Variants in TMEM164 observed in about 807,000 individuals in gnomAD.
TMEM164 encodes transmembrane protein 164.
Under a neutral mutation model 18.8 loss-of-function variants are expected in TMEM164, and 4 were observed. The ratio of observed to expected loss-of-function variants is 0.21; its 90% CI spans 0.10 to 0.49. TMEM164 has a LOEUF of 0.49. Among genes scored for constraint, TMEM164 ranks in the 20% least tolerant of loss-of-function variants. The pLI is 0.98. For missense variants in TMEM164, 108 were observed against 239.9 expected (o/e 0.45, Z 3.63); for synonymous variants, 86 against 101.7 (o/e 0.85, Z 0.93).
At chrX:110,126,809 C>CTGT (rs2066535900) in intron 4 of TMEM164, among the ~76,000 whole-genome samples, 1 of 70,057 alleles carries the variant, frequency 1.4e-5, no homozygotes, top group African/African-American at 6.8e-5. Context: ...CTGGGCCACT[C>CTGT]CTGTGTGTGT....
chrX:110,057,195 C>A (rs1227527639), intron 2 of TMEM164, among the ~76,000 whole-genome samples: 1 of 111,485 alleles, frequency 9.0e-6, no homozygotes, highest in Non-Finnish European at 1.9e-5. Flanking sequence ...CAGCACCAGC[C>A]CCAGCTAACC....
At chrX:110,132,999 C>G (rs2066633870) in intron 4 of TMEM164, among the ~76,000 whole-genome samples, 1 of 111,960 alleles carries the variant, frequency 8.9e-6, no homozygotes, top group South Asian at 3.7e-4. Context: ...TATTTCCTCA[C>G]AGTTCTGGAG....
intron 3 of TMEM164, among the ~76,000 whole-genome samples, chrX:110,087,574 G>C (rs2065871513): frequency 1.8e-5 from 2 of 111,538 alleles, no homozygotes; most frequent in Admixed American, 1.9e-4. Flanking sequence ...TAATGTGCTT[G>C]GTTATCCATG....
chrX:110,165,169 A>G (rs111795480), intron 5 of TMEM164, among the ~76,000 whole-genome samples: 5,724 of 112,627 alleles, frequency 0.051, 359 homozygotes, highest in African/African-American at 0.17. Flanking sequence ...CTGTACCCCT[A>G]TAGAGAAGTG....
intron 3 of TMEM164, among the ~76,000 whole-genome samples, chrX:110,106,248 C>T (rs1018679355): frequency 9.0e-6 from 1 of 111,220 alleles, no homozygotes; most frequent in African/African-American, 3.3e-5. Flanking sequence ...TTTGGCCGTC[C>T]GTAGGTCCTG....
At chrX:110,169,725 T>C (rs1569360606) in intron 5 of TMEM164, among the ~76,000 whole-genome samples, 1 of 111,962 alleles carries the variant, frequency 8.9e-6, no homozygotes, top group East Asian at 2.8e-4. Flanking sequence ...TCAGGAAATT[T>C]CACATAAAAG....
chrX:110,048,462 T>G (rs1935407710), intron 2 of TMEM164, among the ~76,000 whole-genome samples: 1 of 111,792 alleles, frequency 8.9e-6, no homozygotes, highest in Non-Finnish European at 1.9e-5. Flanking sequence ...TGGCAAGTAG[T>G]AGGTTCTTAA....
intron 4 of TMEM164, among the ~76,000 whole-genome samples, chrX:110,135,749 A>G (rs1471825503): frequency 8.9e-6 from 1 of 112,063 alleles, no homozygotes; most frequent in Non-Finnish European, 1.9e-5. Context: ...CAATGACTGT[A>G]CATCCTCCAG....
rs775085767 is a variant in TMEM164 at position 110,046,030 on chromosome X, C to T, written c.391-21317C>T. 182 of 751,948 alleles carry T rather than the reference C, an allele frequency of 2.4e-4. No individual in the cohort carries two copies. In the African/African-American group the frequency reaches 3.9e-3, roughly 16 times the overall value. 62.0% of individuals were successfully genotyped at this position (751,948 alleles called of 1,213,427 possible). A position where few individuals can be genotyped will look rare whatever the true frequency, so the allele number is the denominator to read the frequency against. ...TTTTCCCACAATGGAAATTATCAGA[C>T]CAGATCTAGGCTCCTACCTTTACAA... On this transcript the variant is annotated intron_variant, in intron 2 of 6. Coordinates refer to ENST00000372068, the MANE Select transcript of TMEM164 (RefSeq NM_032227.4).
chrX:110,117,766 G>T (rs1243203713), intron 4 of TMEM164, among the ~76,000 whole-genome samples: 2 of 112,158 alleles, frequency 1.8e-5, no homozygotes, highest in Admixed American at 1.9e-4. Context: ...TAGTCCTGTT[G>T]CCTCAAGGGT....
intron 2 of TMEM164, among the ~76,000 whole-genome samples, chrX:110,043,770 A>G (rs571235471): frequency 2.7e-5 from 3 of 112,610 alleles, no homozygotes; most frequent in African/African-American, 9.7e-5. Flanking sequence ...AGAGATAATC[A>G]TTATTAACAA....
At chrX:110,070,778 C>T (rs1045865867) in intron 3 of TMEM164, among the ~76,000 whole-genome samples, 12 of 111,096 alleles carry the variant, frequency 1.1e-4, no homozygotes, top group African/African-American at 3.3e-4. Context: ...ATAGCATTCC[C>T]CCTCTCCCCC....
In TMEM164 at chrX:110,176,055, C is replaced by T; in HGVS notation, c.*2604C>T. 1.3e-6 allele frequency: 1 copy of T among 756,915 alleles called. No individual in the cohort carries two copies. The allele number at this position is 756,915 out of a possible 1,213,427, so 62.4% of individuals were successfully genotyped here. On this transcript the variant is annotated 3_prime_UTR_variant, in exon 7 of 7. Coordinates refer to ENST00000372068, the MANE Select transcript of TMEM164 (RefSeq NM_032227.4). ...CCTCCTCAGGGCTTTCCTGTCAGTG[C>T]CAAGCCAGTTCCCCAGCCAGGTTTC...
At chrX:110,108,068 C>CTCTG (rs761283924) in intron 3 of TMEM164, among the ~76,000 whole-genome samples, 2 of 46,385 alleles carry the variant, frequency 4.3e-5, no homozygotes, top group East Asian at 1.6e-3. Flanking sequence ...AGGAGGTATG[C>CTCTG]TGTGTGTGTG....
chrX:110,041,498 C>G (rs1317321583), intron 2 of TMEM164, among the ~76,000 whole-genome samples: 1 of 111,347 alleles, frequency 9.0e-6, no homozygotes, highest in African/African-American at 3.3e-5. Context: ...CATTAAGTGT[C>G]TGGACATAAG....
At position 110,003,762 on chromosome X, in the gene TMEM164, G is replaced by A. The variant is rs774623553; in HGVS notation, c.-13G>A. 5.9e-6 allele frequency: 7 copies of A among 1,183,773 alleles called. No individual in the cohort carries two copies. Among genetic ancestry groups the A allele is most frequent in the Non-Finnish European group, 7.9e-6 (7 of 882,284 alleles). On this transcript the variant is annotated 5_prime_UTR_variant, in exon 2 of 7. Coordinates refer to ENST00000372068, the MANE Select transcript of TMEM164 (RefSeq NM_032227.4). ...TTGCTTCCTGTACTGTGGTCAAGGGGAACCACTGCATCATGTCCCGGTATA... is the reference window on the plus strand; with the variant it reads ...TTGCTTCCTGTACTGTGGTCAAGGGAAACCACTGCATCATGTCCCGGTATA...
At chrX:110,095,825 C>T (rs1043418288) in intron 3 of TMEM164, among the ~76,000 whole-genome samples, 1 of 112,059 alleles carries the variant, frequency 8.9e-6, no homozygotes, top group African/African-American at 3.2e-5. Flanking sequence ...GTTTTATCTA[C>T]CTTTGGTCTT....
chrX:110,076,269 G>A (rs2065670724), intron 3 of TMEM164, among the ~76,000 whole-genome samples: 1 of 110,866 alleles, frequency 9.0e-6, no homozygotes, highest in Non-Finnish European at 1.9e-5. Context: ...GCATAGAAGT[G>A]TTCATAGTAG....
At chrX:110,125,339 C>T (rs899547682) in intron 4 of TMEM164, among the ~76,000 whole-genome samples, 5 of 111,121 alleles carry the variant, frequency 4.5e-5, no homozygotes, top group South Asian at 3.7e-4. Context: ...GGAGGAATAA[C>T]GACAAAAACA....
Sources: allele counts gnomAD v4.1 joint callset (sites outside exome capture counted in the v4.1 genomes callset), GRCh38; gene constraint gnomAD v4.1.1; transcripts MANE v1.5; gene names NCBI Gene and HGNC (gene_info 2026-07-23, HGNC 2026-07-21).